Variants in KIF16B observed in about 807,000 individuals in gnomAD.
KIF16B encodes the protein kinesin family member 16B.
A neutral mutation model predicts 156.3 loss-of-function variants in KIF16B; 98 were observed. That is an observed-to-expected ratio of 0.63 (90% CI 0.53 to 0.74). The LOEUF (loss-of-function observed/expected upper bound fraction) is 0.74. Among genes scored for constraint, KIF16B ranks in the 30% least tolerant of loss-of-function variants. The pLI is 0.00. For synonymous variants in KIF16B, 564 were observed against 583.7 expected, an observed-to-expected ratio of 0.97 and a Z score of 0.49; for missense variants, 1,421 against 1,606.5, an observed-to-expected ratio of 0.88 and a Z score of 1.97.
chr20:16,400,541 A>G (rs2065626238), intron 17 of KIF16B, among the ~76,000 whole-genome samples: 1 of 152,246 alleles, frequency 6.6e-6, no homozygotes, highest in African/African-American at 2.4e-5. Context: ...ACAAGGACTC[A>G]AACAAACAAG....
At chr20:16,449,961 G>A (rs186224417) in intron 12 of KIF16B, among the ~76,000 whole-genome samples, 16 of 152,166 alleles carry the variant, frequency 1.1e-4, no homozygotes, top group East Asian at 5.8e-4. Flanking sequence ...GAAGAAAATC[G>A]AAAGAATTAA....
At chr20:16,303,445 A>G (rs2063500148) in intron 25 of KIF16B, among the ~76,000 whole-genome samples, 1 of 152,220 alleles carries the variant, frequency 6.6e-6, no homozygotes, top group Admixed American at 6.5e-5. Context: ...CTTGTTTTGC[A>G]CTGAGAATAA....
At position 16,327,137 on chromosome 20, in the gene KIF16B, A is replaced by G. The variant is rs971711759; in HGVS notation, c.3711+8789T>C. On this transcript the variant is annotated intron_variant, in intron 24 of 25. Transcript: ENST00000354981. ...CTACTCAGCCATAAAAAGAAACAAG[A>G]TAATGGCATTTGCAGCAACCTGGAT... Among the ~76,000 whole-genome samples, 4 of 151,760 alleles carry G rather than the reference A, an allele frequency of 2.6e-5. No homozygotes were observed. The East Asian group carries it at 7.8e-4, about 30-fold the overall frequency.
At chr20:16,329,416 G>A (rs1383362121) in intron 24 of KIF16B, among the ~76,000 whole-genome samples, 6 of 152,266 alleles carry the variant, frequency 3.9e-5, no homozygotes, top group African/African-American at 1.2e-4. Flanking sequence ...ATATTTAAAA[G>A]CCTTACACTG....
At chr20:16,450,635 C>G (rs2067055011) in intron 12 of KIF16B, among the ~76,000 whole-genome samples, 1 of 152,212 alleles carries the variant, frequency 6.6e-6, no homozygotes. Context: ...CGTGCTGTCT[C>G]CCTCTCTGGG....
At chr20:16,299,619 G>C (rs574238245) in intron 25 of KIF16B, among the ~76,000 whole-genome samples, 2 of 152,190 alleles carry the variant, frequency 1.3e-5, no homozygotes, top group Non-Finnish European at 2.9e-5. Flanking sequence ...AGGTCACTCT[G>C]TACCAAAGAG....
chr20:16,318,184 T>A (rs570878413), intron 24 of KIF16B, among the ~76,000 whole-genome samples: 114 of 151,836 alleles, frequency 7.5e-4, no homozygotes, highest in African/African-American at 2.5e-3. Context: ...GAGAAATAAT[T>A]AGAAGGAACC....
chr20:16,436,992 T>C (rs1189628767), intron 12 of KIF16B, among the ~76,000 whole-genome samples: 1 of 152,172 alleles, frequency 6.6e-6, no homozygotes, highest in East Asian at 1.9e-4. Flanking sequence ...TGCTCAAGTC[T>C]CTCACGTAAA....
chr20:16,417,588 A>G (rs1184606341), intron 15 of KIF16B, among the ~76,000 whole-genome samples: 1 of 152,216 alleles, frequency 6.6e-6, no homozygotes, highest in Admixed American at 6.5e-5. Context: ...GCAAAAAACA[A>G]TCAACAAATG....
rs572651061 is a variant in KIF16B, at chr20:16,530,971, G to T, written c.48-2531C>A. Among the ~76,000 whole-genome samples the T allele has an allele frequency of 9.2e-5, 14 of 152,186 alleles. No homozygotes were observed. The East Asian group carries it at 2.7e-3, about 29-fold the overall frequency. On this transcript the variant is annotated intron_variant, in intron 1 of 25. Transcript: ENST00000354981. ...CCGCCTCGACCTCCCAAATTGCTGG[G>T]ATTACACACACGAGCCACCATGCCT...
intron 12 of KIF16B, among the ~76,000 whole-genome samples, chr20:16,473,974 C>T (rs2067735929): frequency 6.6e-6 from 1 of 152,104 alleles, no homozygotes. Flanking sequence ...TGATCTAATC[C>T]ACGCTCTTTT....
intron 15 of KIF16B, among the ~76,000 whole-genome samples, chr20:16,411,341 T>C (rs931432241): frequency 5.3e-5 from 8 of 152,254 alleles, no homozygotes; most frequent in African/African-American, 1.7e-4. Flanking sequence ...ACTTTGAGCA[T>C]AGAACTTAGC....
intron 1 of KIF16B, among the ~76,000 whole-genome samples, chr20:16,558,055 T>C (rs748270401): frequency 1.3e-5 from 2 of 152,164 alleles, no homozygotes; most frequent in Non-Finnish European, 2.9e-5. Flanking sequence ...TAGGGGGCAC[T>C]ATTTTCAATG....
At chr20:16,440,292 A>G (rs1327622428) in intron 12 of KIF16B, among the ~76,000 whole-genome samples, 3 of 152,108 alleles carry the variant, frequency 2.0e-5, no homozygotes, top group Non-Finnish European at 4.4e-5. Context: ...TTAAAACTCA[A>G]AACAATAGTT....
chr20:16,518,562 G>A (rs1214945763), intron 3 of KIF16B, among the ~76,000 whole-genome samples: 1 of 152,124 alleles, frequency 6.6e-6, no homozygotes, highest in African/African-American at 2.4e-5. Flanking sequence ...GTTTCTCCTG[G>A]GTTGAATTAA....
At chr20:16,291,543 C>A (rs76790409) in intron 25 of KIF16B, among the ~76,000 whole-genome samples, 1 of 152,142 alleles carries the variant, frequency 6.6e-6, no homozygotes, top group Non-Finnish European at 1.5e-5. Context: ...GGAGTTAAAA[C>A]AAAGTACTGG....
intron 12 of KIF16B, among the ~76,000 whole-genome samples, chr20:16,488,450 G>A (rs575612703): frequency 1.4e-4 from 21 of 152,306 alleles, no homozygotes; most frequent in South Asian, 1.2e-3. Context: ...AAACCAAAAC[G>A]TATGCAGGAC....
rs533676136 is a variant in KIF16B at position 16,511,794 on chromosome 20, A to T, written c.447-267T>A. Among the ~76,000 whole-genome samples the T allele has an allele frequency of 3.3e-5, 5 of 152,304 alleles. No individual in the cohort carries two copies. The East Asian group carries it at 9.6e-4, about 29-fold the overall frequency. ...ATCATATTGCTATAATGTTGACGAG[A>T]AAAAGAACTGGTTTCATTATATGTT... On this transcript the variant is annotated intron_variant, in intron 5 of 25. Coordinates refer to ENST00000354981, the MANE Select transcript of KIF16B (RefSeq NM_024704.5).
At chr20:16,395,213 GGAGGGGAGGGGAGAGGAGGA>G (rs1202914533) in intron 17 of KIF16B, among the ~76,000 whole-genome samples, 2 of 69,942 alleles carry the variant, frequency 2.9e-5, no homozygotes, top group South Asian at 7.1e-4. Context: ...GAAGAGGAGG[GGAGGGGAGGGGAGAGGAGGA>G]GAGGGGAGGA....
Sources: gnomAD v4.1 joint callset for allele counts (sites outside exome capture counted in the v4.1 genomes callset) on GRCh38, gnomAD v4.1.1 for gene constraint, MANE v1.5 for transcripts, NCBI Gene and HGNC (gene_info 2026-07-23, HGNC 2026-07-21) for gene names.